SYT6: variants seen among roughly 807,000 people sequenced by gnomAD.
The protein encoded by SYT6 is synaptotagmin 6, also known as synaptotagmin-6.
Under a neutral mutation model 38.4 loss-of-function variants are expected in SYT6, and 24 were observed. The ratio of observed to expected loss-of-function variants is 0.62; its 90% CI spans 0.45 to 0.88. The LOEUF (loss-of-function observed/expected upper bound fraction) is 0.88, where lower values mean the gene tolerates loss of function less well. SYT6 is among the 40% of genes least tolerant of loss of function. SYT6 has a pLI of 0.00. For synonymous variants in SYT6, 265 were observed against 241.9 expected (o/e 1.10, Z -0.89); for missense variants, 611 against 621.0 (o/e 0.98, Z 0.17).
chr1:114,119,329 G>A (rs1677230028), intron 3 of SYT6, among the ~76,000 whole-genome samples: 1 of 152,178 alleles, frequency 6.6e-6, no homozygotes, highest in South Asian at 2.1e-4. Flanking sequence ...CCTACTGGAT[G>A]CAAGGCCAGG....
chr1:114,112,272 C>A (rs183843167), intron 3 of SYT6, among the ~76,000 whole-genome samples: 1 of 152,318 alleles, frequency 6.6e-6, no homozygotes, highest in Admixed American at 6.5e-5. Context: ...GCACGGAGGA[C>A]GTGGGTGAGA....
chr1:114,099,295 T>C (rs771212992), intron 4 of SYT6, 30 bp from the exon 5 acceptor site: 2 of 1,593,342 alleles, frequency 1.3e-6, no homozygotes. Flanking sequence ...GAAAAGGGAA[T>C]GGAGTATGTT....
At chr1:114,093,399 C>G (rs545047652) in intron 7 of SYT6, among the ~76,000 whole-genome samples, 6 of 152,314 alleles carry the variant, frequency 3.9e-5, no homozygotes, top group African/African-American at 1.4e-4. Context: ...AGCTGAAGAT[C>G]TTTATGACTA....
At chr1:114,110,408 G>A (rs1236245055) in intron 3 of SYT6, among the ~76,000 whole-genome samples, 2 of 152,278 alleles carry the variant, frequency 1.3e-5, no homozygotes, top group East Asian at 1.9e-4. Context: ...GTGTGCGGCC[G>A]CTTTATTCAT....
intron 3 of SYT6, among the ~76,000 whole-genome samples, chr1:114,121,411 C>A (rs1348009584): frequency 1.3e-5 from 2 of 152,178 alleles, no homozygotes; most frequent in African/African-American, 4.8e-5. Context: ...CAGGCCCAAC[C>A]CAGCCAGTGC....
chr1:114,109,626 C>T (rs1476876044), intron 3 of SYT6, among the ~76,000 whole-genome samples: 2 of 152,158 alleles, frequency 1.3e-5, no homozygotes, highest in African/African-American at 2.4e-5. Flanking sequence ...AGAGTAGGTG[C>T]TTAGTAAGTA....
rs755458067 is a variant in SYT6 at position 114,137,987 on chromosome 1, C to T, written c.579G>A (p.Glu193=). The T allele has an allele frequency of 1.2e-6, 2 of 1,613,974 alleles. No individual in the cohort carries two copies. Among genetic ancestry groups the T allele is most frequent in the African/African-American group, 2.7e-5 (2 of 74,962 alleles). ...TGGGCTGCTCTGCTGCTGGTGGAAG[C>T]TCATTGCCATAGTCTACACTGGAGA... The part of the protein sequence containing the change: ...MHVSSVDYGN[E]LPPAAEQPTS... The change falls in exon 3 of 8, where the codon GAG becomes GAA. Residue 193 remains glutamate (E), a synonymous_variant. Transcript: ENST00000610222.
At chr1:114,142,036 A>C (rs1161118383) in intron 1 of SYT6, among the ~76,000 whole-genome samples, 4 of 152,228 alleles carry the variant, frequency 2.6e-5, no homozygotes, top group Non-Finnish European at 1.5e-5. Flanking sequence ...GCAGATGTAC[A>C]AGGAGATAAA....
rs536019442 is a variant in SYT6, at chr1:114,133,829, C to G, written c.1071+3666G>C. Among the ~76,000 whole-genome samples the G allele has an allele frequency of 1.8e-4, 28 of 152,306 alleles. No individual in the cohort carries two copies. In the South Asian group the frequency reaches 5.0e-3, roughly 27 times the overall value. ...CAATCTGGGCTGGGGAGGTGAGTGT[C>G]CCTTGAGGCTTAAGATTTGCAATTA... On this transcript the variant is annotated intron_variant, in intron 3 of 7. Coordinates refer to ENST00000610222, the MANE Select transcript of SYT6 (RefSeq NM_001253772.2).
At chr1:114,130,478 C>T (rs1678082068) in intron 3 of SYT6, among the ~76,000 whole-genome samples, 2 of 152,130 alleles carry the variant, frequency 1.3e-5, no homozygotes, top group Admixed American at 6.5e-5. Context: ...CCTCTTTCTC[C>T]TTCATCCTGG....
At chr1:114,144,788 G>T (rs1040575348) in intron 1 of SYT6, among the ~76,000 whole-genome samples, 1 of 152,134 alleles carries the variant, frequency 6.6e-6, no homozygotes, top group Non-Finnish European at 1.5e-5. Flanking sequence ...GGGCCAAGAA[G>T]GAGTTGAGGA....
chr1:114,101,425 C>A (rs952737558), intron 4 of SYT6, among the ~76,000 whole-genome samples: 1 of 152,164 alleles, frequency 6.6e-6, no homozygotes, highest in African/African-American at 2.4e-5. Flanking sequence ...TGTATTTCAG[C>A]CTCATTGTCA....
intron 1 of SYT6, among the ~76,000 whole-genome samples, chr1:114,148,190 C>G (rs1284471376): frequency 6.6e-6 from 1 of 152,216 alleles, no homozygotes; most frequent in Non-Finnish European, 1.5e-5. Flanking sequence ...ACACTTCTTT[C>G]TCCAAAGACA....
At chr1:114,130,761 C>A (rs918780329) in intron 3 of SYT6, among the ~76,000 whole-genome samples, 15 of 152,156 alleles carry the variant, frequency 9.9e-5, no homozygotes, top group African/African-American at 3.6e-4. Context: ...TCTTTGAGGG[C>A]TCGTTGAAGA....
At chr1:114,107,260 C>A (rs1676382207) in intron 3 of SYT6, among the ~76,000 whole-genome samples, 1 of 152,220 alleles carries the variant, frequency 6.6e-6, no homozygotes, top group East Asian at 1.9e-4. Flanking sequence ...CTATGAACTG[C>A]TGTCAGGATG....
intron 4 of SYT6, 141 bp downstream of exon 4, chr1:114,103,460 G>A: frequency 1.7e-6 from 2 of 1,179,814 alleles, no homozygotes; most frequent in Non-Finnish European, 2.4e-6. Context: ...GGCAGAACTG[G>A]AATTCGAATC....
intron 3 of SYT6, among the ~76,000 whole-genome samples, chr1:114,110,414 T>C (rs2629812): frequency 0.42 from 64,090 of 151,910 alleles, 13,716 homozygotes; most frequent in Non-Finnish European, 0.43. Flanking sequence ...GGCCGCTTTA[T>C]TCATAGTGGT....
At chr1:114,111,833 C>T (rs575591406) in intron 3 of SYT6, among the ~76,000 whole-genome samples, 269 of 128,432 alleles carry the variant, frequency 2.1e-3, no homozygotes, top group African/African-American at 6.6e-3. Flanking sequence ...GCTCAGCTCT[C>T]GCCTGGGAGA....
At chr1:114,096,677 C>G (rs1427659782) in intron 6 of SYT6, among the ~76,000 whole-genome samples, 4 of 152,212 alleles carry the variant, frequency 2.6e-5, no homozygotes, top group Admixed American at 2.0e-4. Context: ...TTCTCTGCAT[C>G]ATAGAGTGTG....
Sources: gnomAD v4.1 joint callset for allele counts (sites outside exome capture counted in the v4.1 genomes callset) on GRCh38, gnomAD v4.1.1 for gene constraint, MANE v1.5 for transcripts, NCBI Gene and HGNC (gene_info 2026-07-23, HGNC 2026-07-21) for gene names.